COL23A1: variants seen among roughly 807,000 people sequenced by gnomAD.
COL23A1 encodes the protein collagen alpha-1(XXIII) chain.
In COL23A1, 97 loss-of-function variants were observed where a neutral mutation model predicts 99.3. The observed-to-expected ratio is 0.98, with a 90% CI of 0.83 to 1.16. The LOEUF (loss-of-function observed/expected upper bound fraction) is 1.16, where lower values mean the gene tolerates loss of function less well. Among genes scored for constraint, COL23A1 ranks in the 50% most tolerant of loss-of-function variants. The pLI, the probability that COL23A1 is intolerant of heterozygous loss-of-function variation, is 0.00. For missense variants in COL23A1, 762 were observed against 757.4 expected, an observed-to-expected ratio of 1.01 and a Z score of -0.07; for synonymous variants, 320 against 308.2, an observed-to-expected ratio of 1.04 and a Z score of -0.40.
At chr5:178,570,195 C>G (rs374749551) in intron 1 of COL23A1, among the ~76,000 whole-genome samples, 24 of 151,816 alleles carry the variant, frequency 1.6e-4, no homozygotes, top group African/African-American at 5.8e-4. Flanking sequence ...TCACTACAGC[C>G]TCGACCTCCT....
At chr5:178,400,366 C>CAAAAA (rs58417444) in intron 2 of COL23A1, among the ~76,000 whole-genome samples, 6 of 62,776 alleles carry the variant, frequency 9.6e-5, no homozygotes, top group African/African-American at 2.7e-4. Flanking sequence ...GACTCCGTCT[C>CAAAAA]AAAAAAAAAA....
At chr5:178,460,273 C>G (rs1034068230) in intron 2 of COL23A1, among the ~76,000 whole-genome samples, 14 of 152,074 alleles carry the variant, frequency 9.2e-5, no homozygotes, top group African/African-American at 3.4e-4. Flanking sequence ...CAGGCACAGA[C>G]AGATGGCACC....
chr5:178,557,914 A>AGGCAAAGTGCACACACACT (rs1762365837), intron 2 of COL23A1, among the ~76,000 whole-genome samples: 2 of 152,004 alleles, frequency 1.3e-5, no homozygotes. Flanking sequence ...GCAGGCATGG[A>AGGCAAAGTGCACACACACT]CAGGGGTGTG....
chr5:178,377,204 G>A (rs147888213), intron 2 of COL23A1, among the ~76,000 whole-genome samples: 13 of 152,332 alleles, frequency 8.5e-5, no homozygotes, highest in African/African-American at 2.2e-4. Context: ...TATGATTAAC[G>A]TAATTCCAAC....
intron 25 of COL23A1, 105 bp from the exon 26 acceptor site, chr5:178,242,499 C>A: frequency 8.6e-7 from 1 of 1,158,452 alleles, no homozygotes; most frequent in Non-Finnish European, 1.3e-6. Flanking sequence ...CACTTTCCCC[C>A]CTGCATATTC....
At chr5:178,239,008 T>TATTC in intron 28 of COL23A1, 133 bp downstream of exon 28, 1 of 1,032,814 alleles carries the variant, frequency 9.7e-7, no homozygotes, top group East Asian at 2.4e-5. Flanking sequence ...GAAACCTGGC[T>TATTC]ATTCAGTCAC....
At chr5:178,371,400 C>T (rs1020278400) in intron 2 of COL23A1, among the ~76,000 whole-genome samples, 2 of 152,176 alleles carry the variant, frequency 1.3e-5, no homozygotes, top group Admixed American at 6.5e-5. Flanking sequence ...GCAGGGAGGA[C>T]GACTGGAGGA....
In COL23A1 at chr5:178,250,045, T is replaced by C. The variant is rs370902971; in HGVS notation, c.1059+16A>G. 9 of 1,613,490 alleles carry C rather than the reference T, an allele frequency of 5.6e-6. No homozygotes were observed. The highest frequency in any genetic ancestry group is 2.7e-5 in the African/African-American group (2 of 74,726). ...CCAGGCACTGGCATCACCAAGGAAATGAAAGGCCCAGAGACCTTCTCTCCA... is the reference window on the plus strand; with the variant it reads ...CCAGGCACTGGCATCACCAAGGAAACGAAAGGCCCAGAGACCTTCTCTCCA... On this transcript the variant is annotated intron_variant, in intron 18 of 28. Transcript: ENST00000390654.
At chr5:178,380,661 A>C (rs562707744) in intron 2 of COL23A1, among the ~76,000 whole-genome samples, 19 of 152,330 alleles carry the variant, frequency 1.2e-4, no homozygotes, top group Admixed American at 7.8e-4. Context: ...GAGCCAATGA[A>C]GGAGGTGGTA....
intron 2 of COL23A1, among the ~76,000 whole-genome samples, chr5:178,523,163 CATATATATATATAT>C (rs70997608): frequency 1.0e-4 from 10 of 95,550 alleles, no homozygotes; most frequent in Non-Finnish European, 1.6e-4. Flanking sequence ...TATATATATA[CATATATATATATAT>C]ACACATATAT....
At chr5:178,359,909 G>A (rs1433968990) in intron 2 of COL23A1, among the ~76,000 whole-genome samples, 1 of 152,284 alleles carries the variant, frequency 6.6e-6, no homozygotes, top group East Asian at 1.9e-4. Flanking sequence ...GAGCCCAGTG[G>A]AGAACGAGGA....
At chr5:178,358,431 GTA>G (rs1158165972) in intron 2 of COL23A1, among the ~76,000 whole-genome samples, 12 of 148,442 alleles carry the variant, frequency 8.1e-5, no homozygotes, top group Admixed American at 1.3e-4. Context: ...GTGTGTATGT[GTA>G]TGTGTGTATG....
At chr5:178,270,305 G>A (rs377228879) in intron 6 of COL23A1, 32 bp downstream of exon 6, 1 of 1,613,336 alleles carries the variant, frequency 6.2e-7, no homozygotes, top group Non-Finnish European at 8.5e-7. Flanking sequence ...CCCCAGCCCA[G>A]GACCCCCTGG....
chr5:178,451,157 A>G (rs940885523), intron 2 of COL23A1, among the ~76,000 whole-genome samples: 1 of 152,210 alleles, frequency 6.6e-6, no homozygotes, highest in Non-Finnish European at 1.5e-5. Context: ...CTATCGAACA[A>G]TTATTTACAT....
At chr5:178,292,533 G>A (rs1018953462) in intron 3 of COL23A1, among the ~76,000 whole-genome samples, 1 of 152,218 alleles carries the variant, frequency 6.6e-6, no homozygotes, top group Non-Finnish European at 1.5e-5. Context: ...GCAATGTGGG[G>A]CAATTGGGTA....
intron 19 of COL23A1, 141 bp from the exon 20 acceptor site, chr5:178,248,395 C>T: frequency 1.6e-6 from 1 of 619,076 alleles, no homozygotes; most frequent in East Asian, 3.0e-5. Context: ...AAAGTTTTCC[C>T]TACATCCATG....
intron 2 of COL23A1, among the ~76,000 whole-genome samples, chr5:178,399,389 C>T (rs1015818320): frequency 6.6e-6 from 1 of 152,228 alleles, no homozygotes. Context: ...CTGCTGGATC[C>T]AGCCATGGCT....
At chr5:178,417,752 A>G (rs558850167) in intron 2 of COL23A1, among the ~76,000 whole-genome samples, 1 of 152,254 alleles carries the variant, frequency 6.6e-6, no homozygotes, top group Non-Finnish European at 1.5e-5. Flanking sequence ...GACGGAGTTC[A>G]TTAGCAGAAC....
At chr5:178,246,043 C>T (rs971530247) in intron 24 of COL23A1, 75 bp from the exon 25 acceptor site, 32 of 1,563,856 alleles carry the variant, frequency 2.0e-5, no homozygotes, top group African/African-American at 8.1e-5. Context: ...AAGTCCAGCC[C>T]TGTGGGTTGG....
Sources: gnomAD v4.1 joint callset for allele counts (sites outside exome capture counted in the v4.1 genomes callset) on GRCh38, gnomAD v4.1.1 for gene constraint, MANE v1.5 for transcripts, NCBI Gene and HGNC (gene_info 2026-07-23, HGNC 2026-07-21) for gene names.